Variants in CTNND2 observed in about 807,000 individuals in gnomAD.
CTNND2 encodes the protein catenin delta 2.
A neutral mutation model predicts 144.4 loss-of-function variants in CTNND2; 22 were observed. That is an observed-to-expected ratio of 0.15 (90% confidence interval 0.11 to 0.22). The LOEUF (loss-of-function observed/expected upper bound fraction) is 0.22, where lower values mean the gene tolerates loss of function less well. Among genes scored for constraint, CTNND2 ranks in the 10% least tolerant of loss-of-function variants. CTNND2 has a pLI of 1.00. For missense variants in CTNND2, 1,353 were observed against 1,618.8 expected (o/e 0.84, Z 2.82); for synonymous variants, 751 against 695.6 (o/e 1.08, Z -1.25).
chr5:11,594,993 C>T (rs559520958), intron 2 of CTNND2, among the ~76,000 whole-genome samples: 12 of 152,222 alleles, frequency 7.9e-5, no homozygotes, highest in Middle Eastern at 3.4e-3. Context: ...TCCTTCCAGA[C>T]GCTAAGGTAT....
At chr5:11,822,487 G>T (rs1328665207) in intron 1 of CTNND2, among the ~76,000 whole-genome samples, 1 of 152,076 alleles carries the variant, frequency 6.6e-6, no homozygotes, top group Non-Finnish European at 1.5e-5. Context: ...GTGGTAGGCA[G>T]TCTCAAAAAC....
chr5:11,734,685 A>C (rs980669333), intron 1 of CTNND2, among the ~76,000 whole-genome samples: 3 of 152,188 alleles, frequency 2.0e-5, no homozygotes, highest in Non-Finnish European at 1.5e-5. Flanking sequence ...ATTATACCAT[A>C]TCTAAGCATC....
At chr5:11,588,542 G>T (rs1183802536) in intron 2 of CTNND2, among the ~76,000 whole-genome samples, 3 of 152,092 alleles carry the variant, frequency 2.0e-5, no homozygotes, top group Non-Finnish European at 4.4e-5. Context: ...TGGTTATTTG[G>T]TTTTACAATT....
intron 2 of CTNND2, among the ~76,000 whole-genome samples, chr5:11,712,978 A>C (rs972969234): frequency 6.6e-6 from 1 of 152,188 alleles, no homozygotes; most frequent in Non-Finnish European, 1.5e-5. Flanking sequence ...GGTCAGGCTA[A>C]AGATAAATAA....
chr5:11,253,160 C>G (rs1237081387), intron 9 of CTNND2, among the ~76,000 whole-genome samples: 9 of 152,260 alleles, frequency 5.9e-5, no homozygotes, highest in Admixed American at 2.0e-4. Flanking sequence ...CCAGTTCTTA[C>G]ACCTCTCCTT....
chr5:11,180,340 T>C (rs1370437551), intron 11 of CTNND2, among the ~76,000 whole-genome samples: 1 of 152,228 alleles, frequency 6.6e-6, no homozygotes, highest in Non-Finnish European at 1.5e-5. Context: ...CTTTCCTTTA[T>C]AAATTACCCA....
chr5:11,530,793 G>T (rs1009258619), intron 3 of CTNND2, among the ~76,000 whole-genome samples: 2 of 152,138 alleles, frequency 1.3e-5, no homozygotes, highest in Non-Finnish European at 2.9e-5. Context: ...CAAACATGAT[G>T]GTGTGGATTT....
At chr5:11,130,194 T>C (rs927719625) in intron 12 of CTNND2, among the ~76,000 whole-genome samples, 2 of 152,198 alleles carry the variant, frequency 1.3e-5, no homozygotes, top group Admixed American at 6.5e-5. Context: ...AACTACCTAT[T>C]GGGGCTGGCC....
intron 10 of CTNND2, among the ~76,000 whole-genome samples, chr5:11,215,981 C>T (rs1739132503): frequency 6.6e-6 from 1 of 152,166 alleles, no homozygotes; most frequent in East Asian, 1.9e-4. Context: ...GACACATTTG[C>T]TTTCAAGACC....
chr5:11,795,599 G>T (rs1274113781), intron 1 of CTNND2, among the ~76,000 whole-genome samples: 1 of 152,166 alleles, frequency 6.6e-6, no homozygotes, highest in Non-Finnish European at 1.5e-5. Context: ...GGAAATGAAA[G>T]AACTGAACTG....
intron 9 of CTNND2, among the ~76,000 whole-genome samples, chr5:11,281,247 A>G (rs1747080789): frequency 6.6e-6 from 1 of 152,220 alleles, no homozygotes; most frequent in Non-Finnish European, 1.5e-5. Context: ...GAGGGAAAGG[A>G]AAGGCTAAGC....
intron 9 of CTNND2, among the ~76,000 whole-genome samples, chr5:11,318,150 C>A (rs920730324): frequency 6.6e-6 from 1 of 152,112 alleles, no homozygotes; most frequent in Non-Finnish European, 1.5e-5. Context: ...TCTTTATGAA[C>A]CCAAAAGAAA....
intron 10 of CTNND2, among the ~76,000 whole-genome samples, chr5:11,222,254 G>C (rs1295202282): frequency 6.6e-6 from 1 of 152,202 alleles, no homozygotes; most frequent in Non-Finnish European, 1.5e-5. Flanking sequence ...ATAACCCAAA[G>C]TGATATTTAG....
chr5:11,180,944 A>G (rs1760931327), intron 11 of CTNND2, among the ~76,000 whole-genome samples: 1 of 152,166 alleles, frequency 6.6e-6, no homozygotes, highest in Admixed American at 6.5e-5. Flanking sequence ...TGTGGAGCTG[A>G]CAGAGTCTAC....
chr5:11,369,403 C>T (rs1332283623), intron 7 of CTNND2, among the ~76,000 whole-genome samples: 1 of 152,236 alleles, frequency 6.6e-6, no homozygotes, highest in Non-Finnish European at 1.5e-5. Flanking sequence ...ATATGGCTCA[C>T]CGCCTTGTGT....
intron 2 of CTNND2, among the ~76,000 whole-genome samples, chr5:11,601,543 T>G (rs1420499994): frequency 6.6e-6 from 1 of 152,114 alleles, no homozygotes; most frequent in East Asian, 1.9e-4. Flanking sequence ...TCAAATTATT[T>G]TATTAGATGT....
chr5:11,791,703 C>T (rs776060135), intron 1 of CTNND2, among the ~76,000 whole-genome samples: 10 of 152,154 alleles, frequency 6.6e-5, no homozygotes, highest in Non-Finnish European at 1.3e-4. Context: ...TTCACGAAAA[C>T]GAATCTGGGA....
intron 9 of CTNND2, among the ~76,000 whole-genome samples, chr5:11,240,522 C>CAA (rs1742227151): frequency 7.9e-6 from 1 of 126,148 alleles, no homozygotes; most frequent in Admixed American, 8.2e-5. Flanking sequence ...CACACACACC[C>CAA]AACACACACA....
chr5:11,661,871 C>A (rs146958239), intron 2 of CTNND2, among the ~76,000 whole-genome samples: 3 of 151,680 alleles, frequency 2.0e-5, no homozygotes, highest in African/African-American at 4.8e-5. Flanking sequence ...AGGAGGTGAG[C>A]GGCAGGCAAA....
Sources: allele counts gnomAD v4.1 joint callset (sites outside exome capture counted in the v4.1 genomes callset), GRCh38; gene constraint gnomAD v4.1.1; transcripts MANE v1.5; gene names NCBI Gene and HGNC (gene_info 2026-07-23, HGNC 2026-07-21).